GRM7: variants seen among roughly 807,000 people sequenced by gnomAD.
The protein encoded by GRM7 is glutamate metabotropic receptor 7.
Under a neutral mutation model 84.5 loss-of-function variants are expected in GRM7, and 35 were observed. The ratio of observed to expected loss-of-function variants is 0.41; its 90% CI spans 0.32 to 0.55. GRM7 has a LOEUF of 0.55. GRM7 is among the 20% of genes least tolerant of loss of function. The pLI is 0.19. For missense variants in GRM7, 1,003 were observed against 1,194.6 expected, an observed-to-expected ratio of 0.84 and a Z score of 2.36; for synonymous variants, 487 against 455.1, an observed-to-expected ratio of 1.07 and a Z score of -0.89.
intron 2 of GRM7, among the ~76,000 whole-genome samples, chr3:7,294,287 G>A (rs753369036): frequency 1.3e-5 from 2 of 152,106 alleles, no homozygotes; most frequent in Non-Finnish European, 2.9e-5. Flanking sequence ...TGAGAAGCTG[G>A]GTTTCCATCC....
intron 7 of GRM7, among the ~76,000 whole-genome samples, chr3:7,567,780 A>G (rs1409575189): frequency 7.2e-6 from 1 of 138,670 alleles, no homozygotes; most frequent in African/African-American, 2.7e-5. Context: ...AAAAAAAAAA[A>G]AAAAAGACAC....
rs148364691 is a variant in GRM7 at position 7,035,784 on chromosome 3, A to G, written c.520-110668A>G. On this transcript the variant is annotated intron_variant, in intron 1 of 9. Transcript: ENST00000357716. ...TGTATCAAAGATTTGGGGACATCTC[A>G]GAGACAAGTCTCAGAGTTACCTTCC... Among the ~76,000 whole-genome samples, 107 of 152,298 alleles carry G rather than the reference A, an allele frequency of 7.0e-4. 1 individual carries two copies. In the East Asian group the frequency reaches 0.015, roughly 21 times the overall value.
intron 4 of GRM7, among the ~76,000 whole-genome samples, chr3:7,323,037 A>G (rs1700845930): frequency 6.6e-6 from 1 of 152,130 alleles, no homozygotes; most frequent in Admixed American, 6.6e-5. Flanking sequence ...TATGTTTGCC[A>G]CTGGAGTCTC....
chr3:7,712,844 T>C (rs1701630652), intron 9 of GRM7, among the ~76,000 whole-genome samples: 1 of 152,140 alleles, frequency 6.6e-6, no homozygotes, highest in South Asian at 2.1e-4. Context: ...AAGCCTGTAG[T>C]AGAGGTCCTT....
At chr3:7,040,342 G>T (rs537377751) in intron 1 of GRM7, among the ~76,000 whole-genome samples, 3 of 150,886 alleles carry the variant, frequency 2.0e-5, no homozygotes, top group Non-Finnish European at 4.4e-5. Context: ...TCGCTCTGTC[G>T]CCCAGGCTGG....
At chr3:7,410,598 T>TACACACAC (rs35513247) in intron 4 of GRM7, among the ~76,000 whole-genome samples, 320 of 142,682 alleles carry the variant, frequency 2.2e-3, no homozygotes, top group Middle Eastern at 3.5e-3. Flanking sequence ...TATATATATA[T>TACACACAC]ACACACACAC....
intron 7 of GRM7, among the ~76,000 whole-genome samples, chr3:7,499,991 G>C (rs1394806200): frequency 6.6e-6 from 1 of 152,062 alleles, no homozygotes; most frequent in Non-Finnish European, 1.5e-5. Context: ...AGCCAGAATG[G>C]TCTCAATCTC....
intron 6 of GRM7, among the ~76,000 whole-genome samples, chr3:7,460,291 A>G (rs978221062): frequency 2.0e-5 from 3 of 152,078 alleles, no homozygotes; most frequent in Non-Finnish European, 4.4e-5. Flanking sequence ...ACCAGACTTA[A>G]CAATGCTTTC....
At chr3:7,306,806 C>G (rs1171607675) in intron 4 of GRM7, among the ~76,000 whole-genome samples, 154 bp downstream of exon 4, 1 of 152,116 alleles carries the variant, frequency 6.6e-6, no homozygotes, top group Non-Finnish European at 1.5e-5. Context: ...AGGCCACACA[C>G]CTGGTCTGTT....
intron 2 of GRM7, among the ~76,000 whole-genome samples, chr3:7,250,773 C>T (rs1010235703): frequency 6.6e-6 from 1 of 152,180 alleles, no homozygotes; most frequent in African/African-American, 2.4e-5. Context: ...ATCCACCCAC[C>T]TCAGCCTCCC....
intron 4 of GRM7, among the ~76,000 whole-genome samples, chr3:7,361,698 A>G (rs1451508544): frequency 6.6e-6 from 1 of 152,122 alleles, no homozygotes; most frequent in Non-Finnish European, 1.5e-5. Context: ...AAAATGAATT[A>G]TATAGAAAAT....
At chr3:7,301,667 ACTTG>A in intron 3 of GRM7, among the ~76,000 whole-genome samples, 1 of 112,866 alleles carries the variant, frequency 8.9e-6, no homozygotes. Flanking sequence ...TTTGCATTGG[ACTTG>A]TTTGTGTGTT....
At chr3:7,696,588 A>T (rs1265601287) in intron 9 of GRM7, among the ~76,000 whole-genome samples, 2 of 152,176 alleles carry the variant, frequency 1.3e-5, no homozygotes, top group Admixed American at 6.5e-5. Flanking sequence ...CTTAAACAGA[A>T]CACTTCCAAG....
In GRM7 at chr3:7,267,631, G is replaced by A. The variant is rs183038076; in HGVS notation, c.737-31053G>A. 9.3e-3 allele frequency among the ~76,000 whole-genome samples: 1,410 copies of A among 152,304 alleles called. 10 individuals are homozygous for A. Among genetic ancestry groups the A allele is most frequent in the Non-Finnish European group, 0.013 (895 of 68,028 alleles). ...AACCAGGGAAGAAGGCTTTCATCAG[G>A]TGCTGATGCTAAGGTTAGGAGATAA... On this transcript the variant is annotated intron_variant, in intron 2 of 9. Coordinates refer to ENST00000357716, the MANE Select transcript of GRM7 (RefSeq NM_000844.4).
intron 1 of GRM7, among the ~76,000 whole-genome samples, chr3:6,886,075 A>G (rs966674020): frequency 6.7e-6 from 1 of 148,208 alleles, no homozygotes; most frequent in African/African-American, 2.5e-5. Context: ...TAGCACATCT[A>G]TTGCCACACA....
At chr3:7,642,917 T>C (rs1015412138) in intron 8 of GRM7, among the ~76,000 whole-genome samples, 1 of 152,114 alleles carries the variant, frequency 6.6e-6, no homozygotes, top group African/African-American at 2.4e-5. Flanking sequence ...AATTGTTATC[T>C]ACAAGCAGAG....
intron 6 of GRM7, among the ~76,000 whole-genome samples, chr3:7,457,467 A>G (rs965376562): frequency 3.6e-4 from 55 of 152,266 alleles, no homozygotes; most frequent in African/African-American, 1.3e-3. Flanking sequence ...TGGTGTCTTG[A>G]TTGTAAAATC....
intron 1 of GRM7, among the ~76,000 whole-genome samples, chr3:6,911,472 G>A (rs1297749610): frequency 6.6e-6 from 1 of 151,968 alleles, no homozygotes; most frequent in Non-Finnish European, 1.5e-5. Context: ...TTTCTTATGT[G>A]TCCATCAGAG....
chr3:7,004,178 G>A (rs1695105869), intron 1 of GRM7, among the ~76,000 whole-genome samples: 2 of 152,148 alleles, frequency 1.3e-5, no homozygotes, highest in South Asian at 2.1e-4. Context: ...ATACATGTAA[G>A]CCAAACTCAG....
Sources: allele counts gnomAD v4.1 joint callset (sites outside exome capture counted in the v4.1 genomes callset), GRCh38; gene constraint gnomAD v4.1.1; transcripts MANE v1.5; gene names NCBI Gene and HGNC (gene_info 2026-07-23, HGNC 2026-07-21).